FGFR1: variants seen among roughly 807,000 people sequenced by gnomAD.
FGFR1 encodes the protein FGFR1/PLAG1 fusion.
Under a neutral mutation model 93.7 loss-of-function variants are expected in FGFR1, and 18 were observed. The ratio of observed to expected loss-of-function variants is 0.19; its 90% CI spans 0.13 to 0.28. FGFR1 has a LOEUF of 0.28. Among genes scored for constraint, FGFR1 ranks in the 10% least tolerant of loss-of-function variants. The probability of loss-of-function intolerance (pLI) is 1.00; values close to 1 mark genes in which losing one functional copy is unlikely to be tolerated. For missense variants in FGFR1, 731 were observed against 1,080.4 expected (o/e 0.68, Z 4.53); for synonymous variants, 448 against 429.3 (o/e 1.04, Z -0.54).
chr8:38,452,200 G>GACACACAGACAC (rs1391126494), intron 2 of FGFR1, among the ~76,000 whole-genome samples: 20 of 139,092 alleles, frequency 1.4e-4, no homozygotes, highest in African/African-American at 5.5e-4. Flanking sequence ...CAGACACACA[G>GACACACAGACAC]ACACACACAC....
Position 38,424,801 on chromosome 8 carries a change from G to A in FGFR1, c.746-102C>T, listed in dbSNP as rs1027034041. ...CACTTGGCTTTCCCAGTGATGGGTT[G>A]TAAACCTCCCAGCACTTCTGCTGAG... On this transcript the variant is annotated intron_variant, in intron 6 of 17. Coordinates refer to ENST00000447712, the MANE Select transcript of FGFR1 (RefSeq NM_023110.3). This position sits in a 1 kb window ranked among gnomAD's most constrained non-coding sequence, Gnocchi z 4.3. The A allele has an allele frequency of 1.6e-5, 20 of 1,223,400 alleles. No homozygotes were observed. The highest frequency in any genetic ancestry group is 7.5e-5 in the African/African-American group (5 of 66,854). The allele number at this position is 1,223,400 out of a possible 1,614,324, so 75.8% of individuals were successfully genotyped here. A position where few individuals can be genotyped will look rare whatever the true frequency, so the allele number is the denominator to read the frequency against.
At chr8:38,444,674 G>A (rs993400129) in intron 2 of FGFR1, among the ~76,000 whole-genome samples, 2 of 150,946 alleles carry the variant, frequency 1.3e-5, no homozygotes, top group Admixed American at 1.3e-4. Flanking sequence ...TTACTGGCAT[G>A]AGCCACCATG....
chr8:38,418,025 G>C (rs2150660779), intron 10 of FGFR1, 34 bp from the exon 11 acceptor site: 1 of 1,613,842 alleles, frequency 6.2e-7, no homozygotes, highest in Non-Finnish European at 8.5e-7. Flanking sequence ...CATAAGTTGG[G>C]GCTGGTGAAG....
At chr8:38,467,051 G>C (rs1012849901) in intron 1 of FGFR1, among the ~76,000 whole-genome samples, 3 of 152,040 alleles carry the variant, frequency 2.0e-5, no homozygotes, top group Non-Finnish European at 4.4e-5. Flanking sequence ...TAGGGGAAGC[G>C]AGGTGCAGAG....
Position 38,419,753 on chromosome 8 carries a change from G to C in FGFR1, c.1082-18C>G. 6.2e-7 allele frequency: 1 copy of C among 1,611,804 alleles called. No individual in the cohort carries two copies. Among genetic ancestry groups the C allele is most frequent in the Non-Finnish European group, 8.5e-7 (1 of 1,178,252 alleles). ...TTCCAGGGCTGAGTCAGTGCGAACA[G>C]GGTGTTAGCAGGCTTGGAGGGCCCC... On this transcript the variant is annotated intron_variant, in intron 8 of 17. Coordinates refer to ENST00000447712, the MANE Select transcript of FGFR1 (RefSeq NM_023110.3).
In FGFR1 at chr8:38,468,067, C is replaced by T. The variant is rs1835931342; in HGVS notation, c.-175G>A. Reference sequence around the variant, plus strand: ...TGCCCGCGTCCCCGGCTCCGGCCCGCCGCCCCCGGGCTCTGTTCGGGTCCT... The same window carrying T: ...TGCCCGCGTCCCCGGCTCCGGCCCGTCGCCCCCGGGCTCTGTTCGGGTCCT... On this transcript the variant is annotated 5_prime_UTR_variant, in exon 1 of 18. Transcript: ENST00000447712. The T allele has an allele frequency of 4.5e-6, 1 of 223,984 alleles. No individual in the cohort carries two copies. Among genetic ancestry groups the T allele is most frequent in the South Asian group, 1.8e-4 (1 of 5,476 alleles). The allele number at this position is 223,984 out of a possible 1,614,324, so 13.9% of individuals were successfully genotyped here. A position where few individuals can be genotyped will look rare whatever the true frequency, so the allele number is the denominator to read the frequency against.
Position 38,417,216 on chromosome 8 carries a change from TAGCTG to T in FGFR1, c.1663+85_1663+89del, listed in dbSNP as rs1311659847. The T allele has an allele frequency of 3.0e-5, 30 of 1,000,296 alleles. No homozygotes were observed. In the Admixed American group the frequency reaches 3.5e-4, roughly 12 times the overall value. The allele number at this position is 1,000,296 out of a possible 1,614,324, so 62.0% of individuals were successfully genotyped here. A position where few individuals can be genotyped will look rare whatever the true frequency, so the allele number is the denominator to read the frequency against. Reference sequence around the variant, plus strand: ...AGCAGCCTCTCTTAACCCCCTTCCCTAGCTGTGGCTGAGAGAGGCCTTGGGACTGA... The same window carrying T: ...AGCAGCCTCTCTTAACCCCCTTCCCTTGGCTGAGAGAGGCCTTGGGACTGA... On this transcript the variant is annotated intron_variant, in intron 12 of 17. Coordinates refer to ENST00000447712, the MANE Select transcript of FGFR1 (RefSeq NM_023110.3).
At chr8:38,450,617 G>A (rs940190543) in intron 2 of FGFR1, among the ~76,000 whole-genome samples, 2 of 152,120 alleles carry the variant, frequency 1.3e-5, no homozygotes, top group Non-Finnish European at 2.9e-5. Context: ...CCCTGATGCT[G>A]TCTCTCCAGT....
At chr8:38,453,905 A>G (rs1831897954) in intron 2 of FGFR1, among the ~76,000 whole-genome samples, 1 of 152,024 alleles carries the variant, frequency 6.6e-6, no homozygotes, top group Admixed American at 6.6e-5. Context: ...AAACCAACCA[A>G]CCAACAAACA....
At chr8:38,459,883 G>C (rs1833940612) in intron 1 of FGFR1, among the ~76,000 whole-genome samples, 1 of 152,116 alleles carries the variant, frequency 6.6e-6, no homozygotes, top group South Asian at 2.1e-4. Context: ...AGTTCCATTG[G>C]TCAAAGATAG....
chr8:38,459,714 T>G (rs970850933), intron 1 of FGFR1, among the ~76,000 whole-genome samples: 62 of 152,174 alleles, frequency 4.1e-4, no homozygotes, highest in African/African-American at 1.4e-3. Flanking sequence ...TAGCATGTAA[T>G]AGTGCCTCAA....
At chr8:38,417,616 T>C (rs920104856) in intron 11 of FGFR1, 200 bp from the exon 12 acceptor site, 15 of 718,944 alleles carry the variant, frequency 2.1e-5, no homozygotes, top group Non-Finnish European at 3.6e-5. Flanking sequence ...AGGGATGTGG[T>C]GAGGAAAGCC....
At chr8:38,450,292 G>GC (rs1449387041) in intron 2 of FGFR1, among the ~76,000 whole-genome samples, 1 of 152,208 alleles carries the variant, frequency 6.6e-6, no homozygotes, top group Non-Finnish European at 1.5e-5. Flanking sequence ...AATGAGAGCA[G>GC]CTGGACTTCC....
rs758823379 is a variant in FGFR1 at position 38,428,416 on chromosome 8, C to A, written c.378G>T (p.Glu126Asp). The part of the protein sequence containing the change: ...VNVSDALPSS[E>D]DDDDDDDSSS... ...AGGAGTCATCATCATCATCATCATC[C>A]TCCGAGGAGGGGAGAGCATCTATGG... The change falls in exon 4 of 18, where the codon GAG (glutamate) becomes GAT (aspartate). Residue 126 changes from glutamate to aspartate, a missense_variant. Physicochemically the swap from Glu to Asp is conservative, Grantham distance 45. This residue lies in a region of FGFR1 where 212 missense variants were observed against 205.8 expected (regional missense o/e 1.03). Transcript: ENST00000447712. 6.8e-6 allele frequency: 11 copies of A among 1,613,304 alleles called. No homozygotes were observed. The African/African-American group carries it at 1.5e-4, about 22-fold the overall frequency.
At chr8:38,441,065 A>AC (rs1380926437) in intron 2 of FGFR1, among the ~76,000 whole-genome samples, 7 of 137,828 alleles carry the variant, frequency 5.1e-5, no homozygotes. Flanking sequence ...CCGCCCCGAG[A>AC]CCCCCCAAAA....
In FGFR1 at chr8:38,412,026, GACACATGT is replaced by G. The variant is rs1814552534; in HGVS notation, c.*1594_*1601del. On this transcript the variant is annotated 3_prime_UTR_variant, in exon 18 of 18. Transcript: ENST00000447712. ...AAACCATGCCCACATAGAGGGGGCAGACACATGTCTGGGTTTCAGTTTCTGCAGACCTT... is the reference window on the plus strand; with the variant it reads ...AAACCATGCCCACATAGAGGGGGCAGCTGGGTTTCAGTTTCTGCAGACCTT... 2 of 227,730 alleles carry G rather than the reference GACACATGT, an allele frequency of 8.8e-6. No individual in the cohort carries two copies. Among genetic ancestry groups the G allele is most frequent in the Non-Finnish European group, 1.7e-5 (2 of 114,674 alleles). The allele number at this position is 227,730 out of a possible 1,614,324, so 14.1% of individuals were successfully genotyped here. A position where few individuals can be genotyped will look rare whatever the true frequency, so the allele number is the denominator to read the frequency against.
intron 2 of FGFR1, among the ~76,000 whole-genome samples, chr8:38,443,212 T>A (rs6474353): frequency 0.45 from 67,622 of 151,940 alleles, 15,320 homozygotes; most frequent in East Asian, 0.61. Flanking sequence ...GCACTTAAAA[T>A]TGGTGAAAAT....
At chr8:38,428,182 T>C in intron 4 of FGFR1, 89 bp from the exon 5 acceptor site, 1 of 1,575,470 alleles carries the variant, frequency 6.3e-7, no homozygotes, top group Non-Finnish European at 8.7e-7. Flanking sequence ...GACCTGGAGG[T>C]GTCTTGCCCA....
chr8:38,440,132 T>C lies in FGFR1; in HGVS notation c.92-10184A>G, dbSNP rs1165300240. 5.3e-5 allele frequency among the ~76,000 whole-genome samples: 8 copies of C among 150,864 alleles called. No homozygotes were observed. The East Asian group carries it at 1.6e-3, about 29-fold the overall frequency. On this transcript the variant is annotated intron_variant, in intron 2 of 17. Coordinates refer to ENST00000447712, the MANE Select transcript of FGFR1 (RefSeq NM_023110.3). ...GGTGGTCCAGGAATGTTTACAGTCT[T>C]GGTATAAACTCCCCAGAGATAAATG...
Sources: gnomAD v4.1 joint callset for allele counts (sites outside exome capture counted in the v4.1 genomes callset) on GRCh38, gnomAD v4.1.1 for gene constraint, gnomAD v4.1.1 regional missense constraint, Gnocchi (gnomAD v3.1) non-coding constraint, MANE v1.5 for transcripts, NCBI Gene and HGNC (gene_info 2026-07-23, HGNC 2026-07-21) for gene names.